Variants in CCDC3 observed in about 807,000 individuals in gnomAD.
CCDC3 encodes the protein coiled-coil domain containing 3, also known as coiled-coil domain-containing protein 3.
CCDC3 carries 24 observed loss-of-function variants against 21.4 expected under a neutral mutation model. The observed-to-expected ratio is 1.12, with a 90% CI of 0.81 to 1.58. The LOEUF (loss-of-function observed/expected upper bound fraction) is 1.58. CCDC3 is among the 40% of genes most tolerant of loss of function. The probability of loss-of-function intolerance (pLI) is 0.00; values close to 1 mark genes in which losing one functional copy is unlikely to be tolerated. For synonymous variants in CCDC3, 186 were observed against 166.0 expected (o/e 1.12, Z -0.93); for missense variants, 425 against 360.9 (o/e 1.18, Z -1.44).
At chr10:13,077,568 A>G (rs1433446686) in intron 3 of CCDC3, among the ~76,000 whole-genome samples, 1 of 152,220 alleles carries the variant, frequency 6.6e-6, no homozygotes, top group Non-Finnish European at 1.5e-5. Context: ...CTAAGCCAAA[A>G]GAACAAAGCT....
chr10:12,917,954 A>G (rs1408645912), intron 2 of CCDC3, among the ~76,000 whole-genome samples: 2 of 152,190 alleles, frequency 1.3e-5, no homozygotes, highest in Non-Finnish European at 2.9e-5. Flanking sequence ...TATGTTGCCA[A>G]GTTGTTTTTT....
intron 3 of CCDC3, among the ~76,000 whole-genome samples, chr10:13,087,698 G>T (rs1837128691): frequency 6.7e-6 from 1 of 149,182 alleles, no homozygotes; most frequent in African/African-American, 2.5e-5. Flanking sequence ...TAGATACTTA[G>T]AAGATGATAC....
At chr10:13,046,132 A>C (rs1263422227) in intron 5 of CCDC3, among the ~76,000 whole-genome samples, 8 of 151,178 alleles carry the variant, frequency 5.3e-5, no homozygotes, top group Admixed American at 5.3e-4. Flanking sequence ...TAAGCTGGGC[A>C]TGGTTGCTCA....
upstream of CCDC3, among the ~76,000 whole-genome samples, chr10:13,001,937 C>T (rs1835864385): frequency 6.6e-6 from 1 of 152,148 alleles, no homozygotes; most frequent in African/African-American, 2.4e-5. Context: ...TCCTGGCGCC[C>T]CACGATGGAC....
At chr10:13,048,977 G>A (rs1469650676) in intron 5 of CCDC3, among the ~76,000 whole-genome samples, 3 of 152,170 alleles carry the variant, frequency 2.0e-5, no homozygotes, top group African/African-American at 7.2e-5. Flanking sequence ...TGATGAAGAT[G>A]AGCATACAAA....
intron 2 of CCDC3, among the ~76,000 whole-genome samples, chr10:12,926,109 G>A (rs1262074): frequency 0.98 from 149,794 of 152,346 alleles, 73,691 homozygotes; most frequent in East Asian, 1. Context: ...GGTAGGGACT[G>A]GAATACTGGG....
chr10:13,015,492 G>A (rs1002744188), intron 5 of CCDC3, among the ~76,000 whole-genome samples: 3 of 152,042 alleles, frequency 2.0e-5, no homozygotes, highest in African/African-American at 4.8e-5. Context: ...CTGTGTGTTA[G>A]TGTGCTGAGG....
At chr10:12,990,950 G>C (rs768142391) in intron 2 of CCDC3, among the ~76,000 whole-genome samples, 1 of 152,182 alleles carries the variant, frequency 6.6e-6, no homozygotes, top group African/African-American at 2.4e-5. Context: ...TTTGGGTGCA[G>C]TATCAAAGAA....
chr10:12,918,947 C>T (rs887552256), intron 2 of CCDC3, among the ~76,000 whole-genome samples: 1 of 151,930 alleles, frequency 6.6e-6, no homozygotes, highest in African/African-American at 2.4e-5. Context: ...CCCAGCTACT[C>T]GGGAGGCTGA....
chr10:12,902,139 A>G (rs1219152294), intron 2 of CCDC3, among the ~76,000 whole-genome samples: 1 of 152,242 alleles, frequency 6.6e-6, no homozygotes, highest in Non-Finnish European at 1.5e-5. Context: ...GGCCTGGTTC[A>G]CAATGGTTTT....
chr10:12,991,140 GAATGA>G (rs1251348718), intron 2 of CCDC3, among the ~76,000 whole-genome samples: 3 of 152,146 alleles, frequency 2.0e-5, no homozygotes, highest in Non-Finnish European at 4.4e-5. Context: ...TGAAAAATGT[GAATGA>G]AATGAGTTCT....
intron 2 of CCDC3, among the ~76,000 whole-genome samples, chr10:12,906,285 C>T (rs1055353560): frequency 6.6e-6 from 1 of 152,154 alleles, no homozygotes; most frequent in Non-Finnish European, 1.5e-5. Flanking sequence ...TCTGCTCCAC[C>T]CAAAGTCAAA....
Position 12,922,579 on chromosome 10 carries a change from C to G in CCDC3, c.550-23900G>C, listed in dbSNP as rs780365943. On this transcript the variant is annotated intron_variant, in intron 2 of 2. Transcript: ENST00000378825. ...CATCTTGGATGTTAGCTGTCACATT[C>G]TATTCTAGAAGACAACCTCCCCACC... Among the ~76,000 whole-genome samples, 87 of 152,190 alleles carry G rather than the reference C, an allele frequency of 5.7e-4. 1 individual carries two copies. Among genetic ancestry groups the G allele is most frequent in the Non-Finnish European group, 1.0e-3 (69 of 68,034 alleles).
intron 5 of CCDC3, among the ~76,000 whole-genome samples, chr10:13,040,687 T>TCTCACA (rs1554763771): frequency 0.017 from 2,498 of 142,832 alleles, 38 homozygotes; most frequent in East Asian, 0.063. Flanking sequence ...CAAAACTCTG[T>TCTCACA]CACACACACA....
At chr10:12,981,948 C>A (rs1027505599) in intron 2 of CCDC3, among the ~76,000 whole-genome samples, 11 of 151,556 alleles carry the variant, frequency 7.3e-5, no homozygotes, top group African/African-American at 2.2e-4. Context: ...CATGGTGAAA[C>A]CCTGTCTTTA....
chr10:13,048,386 G>GT (rs934585993), intron 5 of CCDC3, among the ~76,000 whole-genome samples: 27 of 151,980 alleles, frequency 1.8e-4, no homozygotes, highest in African/African-American at 6.3e-4. Flanking sequence ...TAGAGACGGG[G>GT]TTTCACCATG....
At chr10:13,002,631 C>T (rs1463592594), upstream of CCDC3, among the ~76,000 whole-genome samples, 1 of 152,190 alleles carries the variant, frequency 6.6e-6, no homozygotes, top group Non-Finnish European at 1.5e-5. Flanking sequence ...CCTCCCACCT[C>T]AGCCTCCCAA....
chr10:12,951,894 G>A (rs1835014547), intron 2 of CCDC3, among the ~76,000 whole-genome samples: 1 of 151,526 alleles, frequency 6.6e-6, no homozygotes, highest in Admixed American at 6.6e-5. Context: ...CAGTGGAGAG[G>A]GATCGCTGGT....
intron 5 of CCDC3, among the ~76,000 whole-genome samples, chr10:13,022,991 A>C: frequency 6.6e-6 from 1 of 152,224 alleles, no homozygotes; most frequent in Non-Finnish European, 1.5e-5. Context: ...ATGACATAAA[A>C]AATACTTGAA....
Sources: gnomAD v4.1 joint callset for allele counts (sites outside exome capture counted in the v4.1 genomes callset) on GRCh38, gnomAD v4.1.1 for gene constraint, MANE v1.5 for transcripts, NCBI Gene and HGNC (gene_info 2026-07-23, HGNC 2026-07-21) for gene names.